Variants in OR51B5 observed in about 807,000 individuals in gnomAD.
OR51B5 encodes olfactory receptor family 51 subfamily B member 5.
For missense variants in OR51B5, 456 were observed against 374.6 expected (o/e 1.22, Z -1.79); for synonymous variants, 186 against 144.8 (o/e 1.28, Z -2.04).
Position 5,342,637 on chromosome 11 carries a change from C to A in OR51B5, c.888G>T (p.Gln296His), listed in dbSNP as rs763348995. 4 of 1,607,056 alleles carry A rather than the reference C, an allele frequency of 2.5e-6. No homozygotes were observed. The South Asian group carries it at 4.5e-5, about 18-fold the overall frequency. The stretch of plus-strand genomic sequence containing the variant: ...AAAGGTGAAGAATGGCATTCTGAAT[C>A]TGCTTGGTCTTGACACTATATGTTA... The change falls in exon 1 of 1, where the codon CAG becomes CAT. Residue 296 changes from glutamine (Q) to histidine (H), a missense_variant. By Grantham distance (24) the Gln-to-His change is conservative. Coordinates refer to ENST00000300773, the Ensembl canonical transcript of OR51B5.
At chr11:5,359,274 T>G (rs1395891381) in intron 1 of OR51B5, among the ~76,000 whole-genome samples, 1 of 149,050 alleles carries the variant, frequency 6.7e-6, no homozygotes, top group Non-Finnish European at 1.5e-5. Flanking sequence ...GTCCTTAAAC[T>G]GATAGGCAAC....
chr11:5,376,559 C>T (rs1849531786), intron 1 of OR51B5, among the ~76,000 whole-genome samples: 1 of 152,086 alleles, frequency 6.6e-6, no homozygotes, highest in African/African-American at 2.4e-5. Context: ...AACTGATAGA[C>T]CGCTAGCAAG....
At chr11:5,426,285 T>C (rs961518303) in intron 1 of OR51B5, among the ~76,000 whole-genome samples, 1 of 152,208 alleles carries the variant, frequency 6.6e-6, no homozygotes, top group Non-Finnish European at 1.5e-5. Context: ...CATATTGTTA[T>C]GGTGCACACA....
At chr11:5,374,158 A>G (rs1194397839) in intron 1 of OR51B5, among the ~76,000 whole-genome samples, 2 of 152,224 alleles carry the variant, frequency 1.3e-5, no homozygotes, top group African/African-American at 4.8e-5. Flanking sequence ...ATCAGACAGC[A>G]GCATTCGCGG....
intron 1 of OR51B5, among the ~76,000 whole-genome samples, chr11:5,376,600 G>A (rs554609107): frequency 6.6e-6 from 1 of 152,062 alleles, no homozygotes; most frequent in Admixed American, 6.5e-5. Flanking sequence ...GAATCAAATA[G>A]ACACAATAAA....
At chr11:5,355,839 C>A (rs1849185667) in intron 1 of OR51B5, among the ~76,000 whole-genome samples, 1 of 151,916 alleles carries the variant, frequency 6.6e-6, no homozygotes, top group African/African-American at 2.4e-5. Flanking sequence ...ATGCCCTGCT[C>A]TGATTCCTGT....
intron 1 of OR51B5, among the ~76,000 whole-genome samples, chr11:5,500,804 A>G (rs1846282369): frequency 6.8e-6 from 1 of 147,908 alleles, no homozygotes; most frequent in Admixed American, 7.0e-5. Context: ...TTTTGCCTTT[A>G]AAAGTTTCCC....
In OR51B5 at chr11:5,352,170, G is replaced by C. The variant is rs140748106; in HGVS notation, n.85-5260C>G. On this transcript the variant is annotated intron_variant and non_coding_transcript_variant, in intron 1 of 4. Coordinates refer to the OR51B5 transcript ENST00000415970. ...TTTTCTCCTACATTTTGATTCTCAAGACTGTCATGGGCATTGGTTCTGGAG... is the reference window on the plus strand; with the variant it reads ...TTTTCTCCTACATTTTGATTCTCAACACTGTCATGGGCATTGGTTCTGGAG... 38 of 1,614,018 alleles carry C rather than the reference G, an allele frequency of 2.4e-5. No homozygotes were observed. The African/African-American group carries it at 4.7e-4, about 20-fold the overall frequency.
chr11:5,475,180 C>G (rs1851285198), intron 1 of OR51B5, among the ~76,000 whole-genome samples: 1 of 152,144 alleles, frequency 6.6e-6, no homozygotes, highest in Non-Finnish European at 1.5e-5. Context: ...TTATTCAGCC[C>G]TCTTCTAATT....
chr11:5,427,307 AAGTG>A (rs1850465694), intron 1 of OR51B5, among the ~76,000 whole-genome samples: 1 of 152,252 alleles, frequency 6.6e-6, no homozygotes, highest in African/African-American at 2.4e-5. Context: ...CAGAGAATGA[AAGTG>A]AGGCGTTCTC....
chr11:5,398,384 C>T (rs968480607), intron 1 of OR51B5, among the ~76,000 whole-genome samples: 1 of 152,118 alleles, frequency 6.6e-6, no homozygotes, highest in African/African-American at 2.4e-5. Context: ...GGGAACCTAA[C>T]TTTCTCCCCA....
At chr11:5,437,359 A>C (rs1850607918) in intron 1 of OR51B5, among the ~76,000 whole-genome samples, 1 of 152,144 alleles carries the variant, frequency 6.6e-6, no homozygotes, top group South Asian at 2.1e-4. Context: ...CACATCTCAG[A>C]GACTGGAGCT....
At chr11:5,489,072 C>A (rs1470966666) in intron 1 of OR51B5, 1 of 1,613,914 alleles carries the variant, frequency 6.2e-7, no homozygotes, top group Non-Finnish European at 8.5e-7. Context: ...TTGCCATGGC[C>A]TTTGATAGGT....
intron 1 of OR51B5, among the ~76,000 whole-genome samples, chr11:5,376,436 A>T (rs1849529130): frequency 6.6e-6 from 1 of 152,218 alleles, no homozygotes; most frequent in African/African-American, 2.4e-5. Flanking sequence ...TTCAAAAGCT[A>T]GCAGAAGTCA....
At chr11:5,382,697 T>C (rs1849627864) in intron 1 of OR51B5, among the ~76,000 whole-genome samples, 1 of 152,298 alleles carries the variant, frequency 6.6e-6, no homozygotes, top group East Asian at 1.9e-4. Context: ...TCCTCATAAC[T>C]ACAATTTAAT....
rs776002909 is a variant in OR51B5, at chr11:5,441,405, T to A, written n.84+64164A>T. 3 of 1,613,888 alleles carry A rather than the reference T, an allele frequency of 1.9e-6. No homozygotes were observed. The East Asian group carries it at 6.7e-5, about 36-fold the overall frequency. On this transcript the variant is annotated intron_variant and non_coding_transcript_variant, in intron 1 of 4. Transcript: ENST00000415970. ...GAGGTTACCTACAATGGAGATCATG[T>A]AGAGGATGCAGAAAATCAGGGCAAC...
chr11:5,459,939 C>A (rs944618965), intron 1 of OR51B5, among the ~76,000 whole-genome samples: 9 of 152,130 alleles, frequency 5.9e-5, no homozygotes, highest in Non-Finnish European at 8.8e-5. Context: ...ATGTTCACTG[C>A]AGCACTATTC....
chr11:5,358,553 C>A (rs149753861), intron 1 of OR51B5, among the ~76,000 whole-genome samples: 1 of 152,022 alleles, frequency 6.6e-6, no homozygotes, highest in Non-Finnish European at 1.5e-5. Context: ...CAGCCAAATT[C>A]TACCAGAGGT....
chr11:5,477,996 G>C (rs1412729342), intron 1 of OR51B5, among the ~76,000 whole-genome samples: 1 of 151,940 alleles, frequency 6.6e-6, no homozygotes, highest in Non-Finnish European at 1.5e-5. Flanking sequence ...GCTCCAACTG[G>C]GTGGAGCCCA....
Sources: allele counts gnomAD v4.1 joint callset (sites outside exome capture counted in the v4.1 genomes callset), GRCh38; gene constraint gnomAD v4.1.1; transcripts MANE v1.5; gene names NCBI Gene and HGNC (gene_info 2026-07-23, HGNC 2026-07-21).